AFF2: variants seen among roughly 807,000 people sequenced by gnomAD.
The protein encoded by AFF2 is AF4/FMR2 family member 2.
Under a neutral mutation model 76.9 loss-of-function variants are expected in AFF2, and 14 were observed. The ratio of observed to expected loss-of-function variants is 0.18; its 90% CI spans 0.12 to 0.28. AFF2 has a LOEUF of 0.28. Among genes scored for constraint, AFF2 ranks in the 10% least tolerant of loss-of-function variants. AFF2 has a pLI of 1.00. For missense variants in AFF2, 868 were observed against 1,001.1 expected (o/e 0.87, Z 1.79); for synonymous variants, 398 against 366.7 (o/e 1.09, Z -0.98).
chrX:148,703,331 C>G (rs782248030), intron 3 of AFF2, among the ~76,000 whole-genome samples: 1 of 112,132 alleles, frequency 8.9e-6, no homozygotes, highest in Non-Finnish European at 1.9e-5. Context: ...AATTTGTTTT[C>G]TTTTTCTAAA....
At chrX:148,662,944 C>A (rs241109) in intron 3 of AFF2, among the ~76,000 whole-genome samples, 176 bp downstream of exon 3, 25,670 of 111,058 alleles carry the variant, frequency 0.23, 2,351 homozygotes, top group African/African-American at 0.33. Context: ...CTGATTAACA[C>A]GCTGCAAATA....
chrX:148,832,357 A>G (rs902541773), intron 4 of AFF2, among the ~76,000 whole-genome samples: 10 of 112,342 alleles, frequency 8.9e-5, no homozygotes, highest in African/African-American at 2.9e-4. Flanking sequence ...CTTCTATTCA[A>G]CCATATTTTT....
intron 1 of AFF2, among the ~76,000 whole-genome samples, chrX:148,608,736 T>G (rs2053698436): frequency 9.1e-6 from 1 of 110,142 alleles, no homozygotes; most frequent in African/African-American, 3.3e-5. Context: ...CTGGGCTAGG[T>G]GAAATATTTT....
rs782711747 is a variant in AFF2 at position 148,955,704 on chromosome X, G to A, written c.1659G>A (p.Met553Ile). ...TTTGTGGCCAAAATGAAACACCCATGGAGACTATTTCTCTGCCTCCTCCAA... is the reference window on the plus strand; with the variant it reads ...TTTGTGGCCAAAATGAAACACCCATAGAGACTATTTCTCTGCCTCCTCCAA... ...SFICGQNETP[M>I]ETISLPPPII... is the part of the protein sequence containing the mutation. The change falls in exon 11 of 21, where the codon ATG becomes ATA. Residue 553 changes from methionine (M) to isoleucine (I), a missense_variant. Transcript: ENST00000370460. The A allele has an allele frequency of 1.6e-5, 19 of 1,209,800 alleles. No homozygotes were observed. Among genetic ancestry groups the A allele is most frequent in the African/African-American group, 5.3e-5 (3 of 57,039 alleles).
intron 3 of AFF2, among the ~76,000 whole-genome samples, chrX:148,797,203 C>T (rs2069996143): frequency 9.1e-6 from 1 of 110,417 alleles, no homozygotes; most frequent in Non-Finnish European, 1.9e-5. Context: ...AATTAATCTG[C>T]TTTTGGGCCA....
rs147971166 is a variant in AFF2, at chrX:148,761,144, G to A, written c.1042-48732G>A. Reference sequence around the variant, plus strand: ...TGACAATCAAGGGTTATGATCAAGGGTAACATTGATCCTGTGTTTCACTTT... The same window carrying A: ...TGACAATCAAGGGTTATGATCAAGGATAACATTGATCCTGTGTTTCACTTT... On this transcript the variant is annotated intron_variant, in intron 3 of 20. Coordinates refer to ENST00000370460, the MANE Select transcript of AFF2 (RefSeq NM_002025.4). Among the ~76,000 whole-genome samples the A allele has an allele frequency of 6.1e-4, 68 of 111,902 alleles. 2 individuals are homozygous for A. In the East Asian group the frequency reaches 0.018, roughly 30 times the overall value.
chrX:148,581,786 G>C (rs963916641), intron 1 of AFF2, among the ~76,000 whole-genome samples: 21 of 112,106 alleles, frequency 1.9e-4, no homozygotes, highest in Non-Finnish European at 3.6e-4. Context: ...TAAAAATAAA[G>C]ATTCTTTTAC....
intron 9 of AFF2, among the ~76,000 whole-genome samples, chrX:148,921,467 C>T (rs970105790): frequency 1.8e-5 from 2 of 112,300 alleles, no homozygotes; most frequent in East Asian, 2.8e-4. Context: ...TCTATGGATT[C>T]ACTTATTCTG....
At chrX:148,921,037 G>A (rs2071589294) in intron 9 of AFF2, among the ~76,000 whole-genome samples, 1 of 111,421 alleles carries the variant, frequency 9.0e-6, no homozygotes, top group Non-Finnish European at 1.9e-5. Context: ...CACTAAGCTG[G>A]ACAGTGGTCC....
intron 1 of AFF2, among the ~76,000 whole-genome samples, chrX:148,540,742 A>G (rs901145099): frequency 1.2e-4 from 13 of 111,640 alleles, no homozygotes; most frequent in African/African-American, 3.9e-4. Context: ...CAGCTCCTAA[A>G]AATCCTGACT....
intron 3 of AFF2, among the ~76,000 whole-genome samples, chrX:148,767,691 G>A (rs1000591990): frequency 9.0e-6 from 1 of 111,635 alleles, no homozygotes; most frequent in Non-Finnish European, 1.9e-5. Context: ...CTTGATAGGG[G>A]GTGATTATTG....
At chrX:148,846,732 T>A (rs1488602730) in intron 7 of AFF2, among the ~76,000 whole-genome samples, 1 of 110,955 alleles carries the variant, frequency 9.0e-6, no homozygotes, top group Non-Finnish European at 1.9e-5. Context: ...GGGTGAAGCG[T>A]GGGCATAAGA....
intron 1 of AFF2, among the ~76,000 whole-genome samples, chrX:148,539,015 A>G (rs782566117): frequency 8.9e-6 from 1 of 111,829 alleles, no homozygotes; most frequent in East Asian, 2.8e-4. Flanking sequence ...TGAGCAGAGT[A>G]TTTATGGCTA....
intron 12 of AFF2, among the ~76,000 whole-genome samples, chrX:148,960,264 C>T (rs2072093398): frequency 8.9e-6 from 1 of 112,510 alleles, no homozygotes; most frequent in Admixed American, 9.4e-5. Flanking sequence ...GTTACGTCTT[C>T]ATGGCTATGA....
At chrX:148,674,578 A>G (rs1425736134) in intron 3 of AFF2, among the ~76,000 whole-genome samples, 2 of 112,120 alleles carry the variant, frequency 1.8e-5, no homozygotes, top group Non-Finnish European at 3.8e-5. Flanking sequence ...AACACCACAA[A>G]TCTCACCCTC....
intron 8 of AFF2, among the ~76,000 whole-genome samples, chrX:148,888,345 A>C (rs1297706113): frequency 8.0e-5 from 9 of 112,317 alleles, no homozygotes; most frequent in African/African-American, 2.9e-4. Context: ...ATGTATCAGT[A>C]CTTCATTTTG....
intron 7 of AFF2, among the ~76,000 whole-genome samples, chrX:148,850,396 A>G (rs1318137413): frequency 8.9e-6 from 1 of 112,155 alleles, no homozygotes; most frequent in Non-Finnish European, 1.9e-5. Context: ...AATTCTTCTC[A>G]GCATTTTTAA....
At chrX:148,630,016 C>T (rs2053964178) in intron 1 of AFF2, among the ~76,000 whole-genome samples, 1 of 111,758 alleles carries the variant, frequency 8.9e-6, no homozygotes, top group Admixed American at 9.5e-5. Flanking sequence ...CAACTGTCCA[C>T]AGAACAGCGT....
At chrX:148,905,896 C>T (rs1240617587) in intron 9 of AFF2, among the ~76,000 whole-genome samples, 1 of 112,534 alleles carries the variant, frequency 8.9e-6, no homozygotes, top group African/African-American at 3.2e-5. Flanking sequence ...TCACAGTGCA[C>T]ACTCTATCTA....
Sources: allele counts gnomAD v4.1 joint callset (sites outside exome capture counted in the v4.1 genomes callset), GRCh38; gene constraint gnomAD v4.1.1; transcripts MANE v1.5; gene names NCBI Gene and HGNC (gene_info 2026-07-23, HGNC 2026-07-21).